RNASEH2C: variants seen among roughly 807,000 people sequenced by gnomAD.
The protein encoded by RNASEH2C is RNase H1 small subunit.
RNASEH2C carries 20 observed loss-of-function variants against 16.3 expected under a neutral mutation model. The ratio of observed to expected loss-of-function variants is 1.23; its 90% CI spans 0.86 to 1.79. The LOEUF (loss-of-function observed/expected upper bound fraction) is 1.79. RNASEH2C is among the 40% of genes most tolerant of loss of function. The pLI is 0.00. For missense variants in RNASEH2C, 296 were observed against 235.9 expected (o/e 1.25, Z -1.67); for synonymous variants, 106 against 98.9 (o/e 1.07, Z -0.43).
At chr11:65,719,975 G>A in intron 3 of RNASEH2C, 70 bp downstream of exon 3, 1 of 1,608,884 alleles carries the variant, frequency 6.2e-7, no homozygotes, top group South Asian at 1.1e-5. Context: ...AATCCTCCAG[G>A]CTCCGTCTGC....
Position 65,719,738 on chromosome 11 carries a change from T to G in RNASEH2C, c.*45A>C. The G allele has an allele frequency of 6.2e-7, 1 of 1,605,962 alleles. No homozygotes were observed. Among genetic ancestry groups the G allele is most frequent in the Non-Finnish European group, 8.5e-7 (1 of 1,172,860 alleles). ...TGGAATCGGTTCCAAAGAGCTGGTT[T>G]ACTGCTGTGAAGGGATCGCAGCTTT... is the stretch of plus-strand genomic sequence containing the variant. On this transcript the variant is annotated 3_prime_UTR_variant, in exon 4 of 4. Coordinates refer to ENST00000308418, the MANE Select transcript of RNASEH2C (RefSeq NM_032193.4).
rs1301618663 is a variant in RNASEH2C at position 65,720,296 on chromosome 11, G to A, written c.294C>T (p.Pro98=). The A allele has an allele frequency of 1.9e-6, 3 of 1,614,236 alleles. No individual in the cohort carries two copies. Among genetic ancestry groups the A allele is most frequent in the East Asian group, 4.5e-5 (2 of 44,858 alleles). ...EKKVSMGKPD[P]LRDSGTDDQE... ...GGTCGTCAGTCCCGGAATCCCGCAA[G>A]GGGTCTGGCTTCCCCATCGACACCT... The change falls in exon 2 of 4, where the codon CCC becomes CCT. Residue 98 remains proline, a synonymous_variant. Coordinates refer to ENST00000308418, the MANE Select transcript of RNASEH2C (RefSeq NM_032193.4).
In RNASEH2C at chr11:65,720,753, C is replaced by T. The variant is rs755982930; in HGVS notation, c.6G>A (p.Glu2=). 2 of 1,591,160 alleles carry T rather than the reference C, an allele frequency of 1.3e-6. No individual in the cohort carries two copies. The highest frequency in any genetic ancestry group is 2.3e-5 in the East Asian group (1 of 43,848). M[E]SGDEAAIERH... ...TCTCGATGGCCGCTTCGTCGCCGCT[C>T]TCCATCCTCCCTCCTACGCGACGCC... Residue 2 remains glutamate (E), a synonymous_variant, in exon 1 of 4, where the codon GAG becomes GAA. Coordinates refer to ENST00000308418, the MANE Select transcript of RNASEH2C (RefSeq NM_032193.4).
Position 65,719,247 on chromosome 11 carries a change from C to G in RNASEH2C, c.*536G>C, listed in dbSNP as rs867312196. The G allele has an allele frequency of 1.2e-5, 19 of 1,561,926 alleles. No individual in the cohort carries two copies. In the Middle Eastern group the frequency reaches 1.1e-3, roughly 92 times the overall value. On this transcript the variant is annotated 3_prime_UTR_variant, in exon 4 of 4. Transcript: ENST00000308418. ...TGGGGCTGATAGCCCACCCCGCCCCCACTGCAGCTCCCACAAAGCACTCTA... is the reference window on the plus strand; with the variant it reads ...TGGGGCTGATAGCCCACCCCGCCCCGACTGCAGCTCCCACAAAGCACTCTA...
intron 1 of RNASEH2C, 77 bp downstream of exon 1, chr11:65,720,510 C>T: frequency 1.9e-6 from 3 of 1,563,610 alleles, no homozygotes; most frequent in Non-Finnish European, 2.6e-6. Flanking sequence ...ACCACGATCC[C>T]CAGGAGCCCA....
chr11:65,719,999 C>G (rs1338755463), intron 3 of RNASEH2C, 46 bp downstream of exon 3: 13 of 1,610,528 alleles, frequency 8.1e-6, no homozygotes, highest in Non-Finnish European at 1.1e-5. Context: ...ATTGTGCTCC[C>G]CAGCCCATCC....
At position 65,718,825 on chromosome 11, in the gene RNASEH2C, GGGGACAGATAAAGGTCCTCA is replaced by G. The variant is rs1857297370; in HGVS notation, c.*938_*957del. ...CTGGGCTTTCTCTCTCAGGGCTCCT[GGGGACAGATAAAGGTCCTCA>G]GGGAACCTGACCTGTGCTCTCCCAC... On this transcript the variant is annotated 3_prime_UTR_variant, in exon 4 of 4. Transcript: ENST00000308418. 1 of 1,613,226 alleles carries G rather than the reference GGGGACAGATAAAGGTCCTCA, an allele frequency of 6.2e-7. No homozygotes were observed.
In RNASEH2C at chr11:65,719,466, G is replaced by A. The variant is rs549238084; in HGVS notation, c.*317C>T. ...ACAGTGAGAAGGGATCCGGATGGGG[G>A]AGCTCTGTACAGAGGGCTGGTGATT... On this transcript the variant is annotated 3_prime_UTR_variant, in exon 4 of 4. Coordinates refer to ENST00000308418, the MANE Select transcript of RNASEH2C (RefSeq NM_032193.4). 213 of 604,338 alleles carry A rather than the reference G, an allele frequency of 3.5e-4. No homozygotes were observed. Among genetic ancestry groups the A allele is most frequent in the African/African-American group, 3.4e-3 (185 of 54,072 alleles). 37.4% of individuals were successfully genotyped at this position (604,338 alleles called of 1,614,324 possible).
chr11:65,718,512 T>G lies in RNASEH2C; in HGVS notation c.*1271A>C. On this transcript the variant is annotated 3_prime_UTR_variant, in exon 4 of 4. Coordinates refer to ENST00000308418, the MANE Select transcript of RNASEH2C (RefSeq NM_032193.4). ...CATGATAGGAACTAGGCAGCCTGCC[T>G]TGGCAACCTGTGTTTTTAAATGTTG... 6.6e-7 allele frequency: 1 copy of G among 1,507,156 alleles called. No homozygotes were observed. The highest frequency in any genetic ancestry group is 1.2e-5 in the South Asian group (1 of 81,686). 93.4% of individuals were successfully genotyped at this position (1,507,156 alleles called of 1,614,324 possible).
Position 65,720,051 on chromosome 11 carries a change from C to A in RNASEH2C, c.462G>T (p.Ala154=), listed in dbSNP as rs777413965. The A allele has an allele frequency of 1.2e-6, 2 of 1,613,662 alleles. No individual in the cohort carries two copies. The highest frequency in any genetic ancestry group is 3.3e-5 in the Admixed American group (2 of 60,034). The change falls in exon 3 of 4, where the codon GCG becomes GCT. Residue 154 remains alanine (A), a synonymous_variant. Transcript: ENST00000308418. ...VRGALTWPSL[A]AAIHAQVPED ...GAACTCCTCGTCTACTCACCGCTGC[C>A]GCAAGGCTGGGCCAAGTTAAGGCCC...
At position 65,718,839 on chromosome 11, in the gene RNASEH2C, G is replaced by C. The variant is rs2135646707; in HGVS notation, c.*944C>G. 1 of 1,613,714 alleles carries C rather than the reference G, an allele frequency of 6.2e-7. No individual in the cohort carries two copies. The highest frequency in any genetic ancestry group is 1.6e-4 in the Middle Eastern group (1 of 6,062). Reference sequence around the variant, plus strand: ...TCAGGGCTCCTGGGGACAGATAAAGGTCCTCAGGGAACCTGACCTGTGCTC... The same window carrying C: ...TCAGGGCTCCTGGGGACAGATAAAGCTCCTCAGGGAACCTGACCTGTGCTC... On this transcript the variant is annotated 3_prime_UTR_variant, in exon 4 of 4. Coordinates refer to ENST00000308418, the MANE Select transcript of RNASEH2C (RefSeq NM_032193.4).
chr11:65,718,555 C>T lies in RNASEH2C; in HGVS notation c.*1228G>A, dbSNP rs759381325. Reference sequence around the variant, plus strand: ...AAATGTTGCTTATGTTCATCTGTGACCTCTTACTCACCCTCTCCTGCTCCA... The same window carrying T: ...AAATGTTGCTTATGTTCATCTGTGATCTCTTACTCACCCTCTCCTGCTCCA... On this transcript the variant is annotated 3_prime_UTR_variant, in exon 4 of 4. Transcript: ENST00000308418. 4 of 1,596,996 alleles carry T rather than the reference C, an allele frequency of 2.5e-6. No homozygotes were observed. Among genetic ancestry groups the T allele is most frequent in the East Asian group, 4.5e-5 (2 of 44,578 alleles).
chr11:65,719,863 GC>G (rs765879497), intron 3 of RNASEH2C, 54 bp from the exon 4 acceptor site: 1 of 1,611,250 alleles, frequency 6.2e-7, no homozygotes, highest in Non-Finnish European at 8.5e-7. Context: ...CGGCAAGCTG[GC>G]CCCCATACCC....
Sources: allele counts gnomAD v4.1 joint callset, GRCh38; gene constraint gnomAD v4.1.1; transcripts MANE v1.5; gene names NCBI Gene and HGNC (gene_info 2026-07-23, HGNC 2026-07-21).